The following FRMD6 variants were observed in gnomAD, a reference collection of about 807,000 sequenced individuals.
FRMD6 encodes the protein FERM domain-containing protein 6.
A neutral mutation model predicts 73.2 loss-of-function variants in FRMD6; 37 were observed. The ratio of observed to expected loss-of-function variants is 0.51; its 90% CI spans 0.39 to 0.66. FRMD6 has a LOEUF of 0.66. Among genes scored for constraint, FRMD6 ranks in the 30% least tolerant of loss-of-function variants. FRMD6 has a pLI of 0.00. For synonymous variants in FRMD6, 273 were observed against 282.2 expected (o/e 0.97, Z 0.33); for missense variants, 714 against 780.5 (o/e 0.91, Z 1.02).
intron 1 of FRMD6, among the ~76,000 whole-genome samples, chr14:51,671,649 A>G (rs751834838): frequency 9.2e-5 from 14 of 152,186 alleles, no homozygotes; most frequent in African/African-American, 1.2e-4. Context: ...TTTATGGTGA[A>G]GCTTGGGTGG....
chr14:51,704,368 G>A (rs1206417778), intron 5 of FRMD6, among the ~76,000 whole-genome samples: 1 of 152,074 alleles, frequency 6.6e-6, no homozygotes, highest in Non-Finnish European at 1.5e-5. Context: ...TTTATGTCAC[G>A]TGTGTAGCAT....
At chr14:51,686,229 G>T (rs1480679645) in intron 1 of FRMD6, among the ~76,000 whole-genome samples, 2 of 152,096 alleles carry the variant, frequency 1.3e-5, no homozygotes, top group Non-Finnish European at 2.9e-5. Flanking sequence ...GAGAGTTTCT[G>T]TATACCACAC....
At chr14:51,585,748 C>T (rs1435492954) in intron 2 of FRMD6, among the ~76,000 whole-genome samples, 2 of 151,416 alleles carry the variant, frequency 1.3e-5, no homozygotes, top group Non-Finnish European at 2.9e-5. Context: ...TCTATTATTT[C>T]ACTCTGTATG....
intron 1 of FRMD6, chr14:51,548,032 T>C (rs1041989004): frequency 2.0e-5 from 3 of 152,176 alleles, no homozygotes; most frequent in Non-Finnish European, 4.4e-5. Context: ...CAGCTTTTAC[T>C]AAGAAATACA....
chr14:51,540,456 C>T (rs140282400), intron 1 of FRMD6, among the ~76,000 whole-genome samples: 156 of 152,170 alleles, frequency 1.0e-3, no homozygotes, highest in African/African-American at 2.7e-3. Context: ...TGTGAAACTG[C>T]GACACCATCA....
At chr14:51,552,647 T>G (rs917308451) in intron 1 of FRMD6, among the ~76,000 whole-genome samples, 1 of 152,208 alleles carries the variant, frequency 6.6e-6, no homozygotes, top group Non-Finnish European at 1.5e-5. Flanking sequence ...TTTTCTTTCT[T>G]CAGGAGAAGT....
At position 51,489,988 on chromosome 14, in the gene FRMD6, G is replaced by A. The variant is rs570516968; in HGVS notation, c.-210+568G>A. On this transcript the variant is annotated intron_variant, in intron 1 of 14. Coordinates refer to the FRMD6 transcript ENST00000356218. ...TATCAGTTACATGCTTACCCTCTGG[G>A]TTGGAAAAGGAGACATTTACATATT... Among the ~76,000 whole-genome samples, 5 of 152,312 alleles carry A rather than the reference G, an allele frequency of 3.3e-5. No homozygotes were observed. In the South Asian group the frequency reaches 8.3e-4, roughly 25 times the overall value.
intron 1 of FRMD6, among the ~76,000 whole-genome samples, chr14:51,536,235 A>C (rs188185926): frequency 6.6e-6 from 1 of 151,092 alleles, no homozygotes; most frequent in Non-Finnish European, 1.5e-5. Context: ...CTGGGACTAC[A>C]TGCCCATGCT....
intron 2 of FRMD6, among the ~76,000 whole-genome samples, chr14:51,616,184 A>G (rs1890702499): frequency 6.6e-6 from 1 of 152,166 alleles, no homozygotes; most frequent in South Asian, 2.1e-4. Context: ...ACAGCCTTCC[A>G]TTTTCTGATG....
chr14:51,720,169 G>C lies in FRMD6; in HGVS notation c.1139G>C (p.Arg380Pro). 6.2e-7 allele frequency: 1 copy of C among 1,613,930 alleles called. No individual in the cohort carries two copies. Among genetic ancestry groups the C allele is most frequent in the Non-Finnish European group, 8.5e-7 (1 of 1,180,030 alleles). ...GSSAGSMKHKRLSRHSTASHS... is the reference protein window; with the variant it reads ...GSSAGSMKHKPLSRHSTASHS... ...AGTGCGGGCAGCATGAAACACAAGC[G>C]CCTGTCCCGTCATTCCACCGCCAGC... The change falls in exon 11 of 14, where the codon CGC (arginine) becomes CCC (proline). Residue 380 changes from arginine to proline, a missense_variant. Physicochemically the swap from Arg to Pro is moderately radical, Grantham distance 103. Transcript: ENST00000344768.
chr14:51,633,137 A>AT (rs145482860), intron 2 of FRMD6, among the ~76,000 whole-genome samples: 27,644 of 151,944 alleles, frequency 0.18, 2,708 homozygotes, highest in Middle Eastern at 0.28. Context: ...ATATGTGAGG[A>AT]TTTTTTTTAA....
rs1462764296 is a variant in FRMD6 at position 51,651,960 on chromosome 14, G to T, written c.-183G>T. ...GTAGGAAGAGTCAGAGGGGTGACCAGAGAGCCCAACGCCTGGTGCTCAAGA... is the reference window on the plus strand; with the variant it reads ...GTAGGAAGAGTCAGAGGGGTGACCATAGAGCCCAACGCCTGGTGCTCAAGA... On this transcript the variant is annotated 5_prime_UTR_variant, in exon 1 of 14. Coordinates refer to ENST00000344768, the MANE Select transcript of FRMD6 (RefSeq NM_001267046.2). 2.0e-5 allele frequency: 3 copies of T among 152,242 alleles called. No individual in the cohort carries two copies. In the South Asian group the frequency reaches 6.2e-4, roughly 32 times the overall value. 9.4% of individuals were successfully genotyped at this position (152,242 alleles called of 1,614,324 possible).
At chr14:51,462,816 GA>G in the FRMD6 span, among the ~76,000 whole-genome samples, 1 of 152,256 alleles carries the variant, frequency 6.6e-6, no homozygotes, top group East Asian at 1.9e-4. Flanking sequence ...TAAAGGGAGA[GA>G]GAGAAAGGGA....
At chr14:51,478,104 T>TG in the FRMD6 span, among the ~76,000 whole-genome samples, 1 of 152,222 alleles carries the variant, frequency 6.6e-6, no homozygotes, top group Non-Finnish European at 1.5e-5. Flanking sequence ...AATGAGATAA[T>TG]GTTTTCTGTA....
At chr14:51,598,938 G>T (rs1330767943) in intron 2 of FRMD6, among the ~76,000 whole-genome samples, 1 of 151,862 alleles carries the variant, frequency 6.6e-6, no homozygotes, top group East Asian at 1.9e-4. Context: ...GTCAAATGTA[G>T]CTCTGTTTTA....
At chr14:51,681,307 A>G (rs1240963003) in intron 1 of FRMD6, among the ~76,000 whole-genome samples, 3 of 152,236 alleles carry the variant, frequency 2.0e-5, no homozygotes, top group African/African-American at 7.2e-5. Flanking sequence ...AATAGCATAG[A>G]TAGTGACCAC....
intron 5 of FRMD6, among the ~76,000 whole-genome samples, chr14:51,704,145 CA>C (rs1257051432): frequency 6.6e-6 from 1 of 151,778 alleles, no homozygotes; most frequent in African/African-American, 2.4e-5. Context: ...AAAAAATCCC[CA>C]AAAAAAGATT....
intron 1 of FRMD6, among the ~76,000 whole-genome samples, chr14:51,670,969 A>G (rs1164096330): frequency 6.6e-6 from 1 of 152,208 alleles, no homozygotes; most frequent in Admixed American, 6.5e-5. Context: ...TATCATGAAC[A>G]TATGTTAAAT....
intron 1 of FRMD6, among the ~76,000 whole-genome samples, chr14:51,530,855 C>G (rs1300989387): frequency 6.6e-6 from 1 of 152,150 alleles, no homozygotes; most frequent in Non-Finnish European, 1.5e-5. Flanking sequence ...CAGATACCAC[C>G]TTAACAAAGA....
Sources: allele counts gnomAD v4.1 joint callset (sites outside exome capture counted in the v4.1 genomes callset), GRCh38; gene constraint gnomAD v4.1.1; transcripts MANE v1.5; gene names NCBI Gene and HGNC (gene_info 2026-07-23, HGNC 2026-07-21).